SLC35E1: variants seen among roughly 807,000 people sequenced by gnomAD.
The protein encoded by SLC35E1 is solute carrier family 35 member E1, also known as solute carrier family 35, member E1.
A neutral mutation model predicts 31.0 loss-of-function variants in SLC35E1; 12 were observed. The ratio of observed to expected loss-of-function variants is 0.39; its 90% CI spans 0.25 to 0.63. The LOEUF is 0.63. Among genes scored for constraint, SLC35E1 ranks in the 20% least tolerant of loss-of-function variants. SLC35E1 has a pLI of 0.52. For missense variants in SLC35E1, 429 were observed against 572.2 expected (o/e 0.75, Z 2.55); for synonymous variants, 257 against 264.1 (o/e 0.97, Z 0.26).
chr19:16,561,580 CTG>C (rs1213416532), intron 4 of SLC35E1, among the ~76,000 whole-genome samples: 1 of 152,228 alleles, frequency 6.6e-6, no homozygotes, highest in East Asian at 1.9e-4. Flanking sequence ...GAATCCCCGC[CTG>C]TCTTTTGCCA....
intron 2 of SLC35E1, among the ~76,000 whole-genome samples, chr19:16,569,907 C>A (rs184295674): frequency 2.6e-5 from 4 of 152,206 alleles, no homozygotes; most frequent in African/African-American, 4.8e-5. Context: ...AGTGGTCATG[C>A]CACAAGGAGG....
chr19:16,568,288 T>A (rs1390839232), intron 2 of SLC35E1, 119 bp from the exon 3 acceptor site: 7 of 1,310,496 alleles, frequency 5.3e-6, no homozygotes, highest in South Asian at 1.5e-5. Flanking sequence ...CCTAACACTT[T>A]GAAAGTGGTG....
At position 16,555,466 on chromosome 19, in the gene SLC35E1, T is replaced by A. The variant is rs1438105795; in HGVS notation, c.757-69A>T. On this transcript the variant is annotated intron_variant, in intron 4 of 5. Transcript: ENST00000595753. The surrounding 1 kb of genome is among the most constrained non-coding windows in gnomAD (Gnocchi z 4.1). ...GTGACCCTGCCTCCCTGTATCCACCTGGCAGGGTTAGGGGAAGGGATGTGG... is the reference window on the plus strand; with the variant it reads ...GTGACCCTGCCTCCCTGTATCCACCAGGCAGGGTTAGGGGAAGGGATGTGG... The A allele has an allele frequency of 1.3e-6, 2 of 1,575,510 alleles. No homozygotes were observed. The highest frequency in any genetic ancestry group is 1.7e-6 in the Non-Finnish European group (2 of 1,161,480).
At position 16,572,050 on chromosome 19, in the gene SLC35E1, C is replaced by A; in HGVS notation, c.315G>T (p.Pro105=). 6.5e-7 allele frequency: 1 copy of A among 1,539,690 alleles called. No individual in the cohort carries two copies. Among genetic ancestry groups the A allele is most frequent in the Non-Finnish European group, 8.8e-7 (1 of 1,142,800 alleles). The change falls in exon 1 of 6, where the codon CCG becomes CCT. Residue 105 remains proline (P), a synonymous_variant. Transcript: ENST00000595753. The surrounding 1 kb of genome is among the most constrained non-coding windows in gnomAD (Gnocchi z 4.1). Reference sequence around the variant, plus strand: ...GTAGCACGTAGCGCGGGTAGAAGCGCGGCGGCAGCAGCGGGCCGGACGACG... The same window carrying A: ...GTAGCACGTAGCGCGGGTAGAAGCGAGGCGGCAGCAGCGGGCCGGACGACG... ...PHPSSGPLLP[P]RFYPRYVLPL...
Position 16,555,371 on chromosome 19 carries a change from C to T in SLC35E1, c.783G>A (p.Thr261=), listed in dbSNP as rs780543202. 16 of 1,613,782 alleles carry T rather than the reference C, an allele frequency of 9.9e-6. No homozygotes were observed. The highest frequency in any genetic ancestry group is 6.7e-5 in the Admixed American group (4 of 59,996). ...DLTYVYQWPW[T]LLLLAVSGFC... ...AGCCGCTGACAGCCAGGAGCAGGAG[C>T]GTCCAGGGCCACTGGTAGACGTAGG... The change falls in exon 5 of 6, where the codon ACG becomes ACA. Residue 261 remains threonine (T), a synonymous_variant. Coordinates refer to ENST00000595753, the MANE Select transcript of SLC35E1 (RefSeq NM_024881.5). This position sits in a 1 kb window ranked among gnomAD's most constrained non-coding sequence, Gnocchi z 4.1.
At position 16,552,999 on chromosome 19, in the gene SLC35E1, C is replaced by G. The variant is rs2085853397; in HGVS notation, c.*680G>C. 6.6e-6 allele frequency: 1 copy of G among 152,226 alleles called. No individual in the cohort carries two copies. The highest frequency in any genetic ancestry group is 2.4e-5 in the African/African-American group (1 of 41,454). 9.4% of individuals were successfully genotyped at this position (152,226 alleles called of 1,614,324 possible). A position where few individuals can be genotyped will look rare whatever the true frequency, so the allele number is the denominator to read the frequency against. On this transcript the variant is annotated 3_prime_UTR_variant, in exon 6 of 6. Coordinates refer to ENST00000595753, the MANE Select transcript of SLC35E1 (RefSeq NM_024881.5). Reference sequence around the variant, plus strand: ...CATCTGGATCTGGGTGGATGCCAACCCTGACGTGCAGGGCAGAGCACCAGG... The same window carrying G: ...CATCTGGATCTGGGTGGATGCCAACGCTGACGTGCAGGGCAGAGCACCAGG...
chr19:16,555,745 G>GA lies in SLC35E1; in HGVS notation c.757-349dup, dbSNP rs2085872401. The GA allele has an allele frequency of 3.3e-6, 1 of 306,968 alleles. No individual in the cohort carries two copies. The highest frequency in any genetic ancestry group is 6.2e-6 in the Non-Finnish European group (1 of 161,148). 19.0% of individuals were successfully genotyped at this position (306,968 alleles called of 1,614,324 possible). ...TGGCAAAGCAGGGATCTGCTTGTTGGACGCAATGCATTCTACAGGGTTGGA... is the reference window on the plus strand; with the variant it reads ...TGGCAAAGCAGGGATCTGCTTGTTGGAACGCAATGCATTCTACAGGGTTGGA... On this transcript the variant is annotated intron_variant, in intron 4 of 5. Transcript: ENST00000595753. The surrounding 1 kb of genome is among the most constrained non-coding windows in gnomAD (Gnocchi z 4.1).
chr19:16,555,487 T>A lies in SLC35E1; in HGVS notation c.757-90A>T, dbSNP rs2085871407. 7 of 1,526,374 alleles carry A rather than the reference T, an allele frequency of 4.6e-6. No homozygotes were observed. The highest frequency in any genetic ancestry group is 6.2e-6 in the Non-Finnish European group (7 of 1,136,836). 94.6% of individuals were successfully genotyped at this position (1,526,374 alleles called of 1,614,324 possible). On this transcript the variant is annotated intron_variant, in intron 4 of 5. Coordinates refer to ENST00000595753, the MANE Select transcript of SLC35E1 (RefSeq NM_024881.5). This position sits in a 1 kb window ranked among gnomAD's most constrained non-coding sequence, Gnocchi z 4.1. ...CACCTGGCAGGGTTAGGGGAAGGGA[T>A]GTGGAGGGGCTCATCTGGAGCCTCA...
chr19:16,566,328 G>C, intron 4 of SLC35E1: 3 of 631,140 alleles, frequency 4.8e-6, no homozygotes, highest in Non-Finnish European at 7.9e-6. Flanking sequence ...AAGCACACCA[G>C]AGAAGGAAAT....
At position 16,562,610 on chromosome 19, in the gene SLC35E1, T is replaced by C. The variant is rs773545627; in HGVS notation, c.756+3922A>G. On this transcript the variant is annotated intron_variant, in intron 4 of 5. Transcript: ENST00000595753. ...TACTGTATTATTTTAAAATGTCTTATTCTTTATTATAGTATTTTGTTTTTC... is the reference window on the plus strand; with the variant it reads ...TACTGTATTATTTTAAAATGTCTTACTCTTTATTATAGTATTTTGTTTTTC... Among the ~76,000 whole-genome samples the C allele has an allele frequency of 6.0e-5, 6 of 100,522 alleles. 1 individual carries two copies. Among genetic ancestry groups the C allele is most frequent in the Non-Finnish European group, 1.2e-4 (6 of 50,692 alleles). 65.9% of individuals were successfully genotyped at this position (100,522 alleles called of 152,430 possible).
chr19:16,554,628 C>G (rs896730841), intron 5 of SLC35E1, among the ~76,000 whole-genome samples: 2 of 151,990 alleles, frequency 1.3e-5, no homozygotes, highest in African/African-American at 2.4e-5. Context: ...GGAGGCTGGC[C>G]TGGCCAAGAT....
chr19:16,569,028 CTTT>C (rs946440031), intron 2 of SLC35E1, among the ~76,000 whole-genome samples: 2 of 142,578 alleles, frequency 1.4e-5, no homozygotes, highest in Admixed American at 7.0e-5. Flanking sequence ...TCCACTCACT[CTTT>C]TTTTTTTTTT....
Position 16,572,330 on chromosome 19 carries a change from G to A in SLC35E1, c.35C>T (p.Ala12Val), listed in dbSNP as rs1201050401. The change falls in exon 1 of 6, where the codon GCG becomes GTG. Residue 12 changes from alanine to valine, a missense_variant. Coordinates refer to ENST00000595753, the MANE Select transcript of SLC35E1 (RefSeq NM_024881.5). The surrounding 1 kb of genome is among the most constrained non-coding windows in gnomAD (Gnocchi z 4.1). ...AAAAVGAGHG[A>V]GGPGAASSSG... is the part of the protein sequence containing the mutation. ...GCTGCTCGCTGCGCCCGGGCCCCCCGCGCCGTGGCCCGCGCCCACCGCGGC... is the reference window on the plus strand; with the variant it reads ...GCTGCTCGCTGCGCCCGGGCCCCCCACGCCGTGGCCCGCGCCCACCGCGGC... 10 of 1,173,148 alleles carry A rather than the reference G, an allele frequency of 8.5e-6. No homozygotes were observed. Among genetic ancestry groups the A allele is most frequent in the African/African-American group, 3.3e-5 (2 of 61,114 alleles). The allele number at this position is 1,173,148 out of a possible 1,614,324, so 72.7% of individuals were successfully genotyped here.
intron 4 of SLC35E1, among the ~76,000 whole-genome samples, chr19:16,561,270 C>T (rs1368976194): frequency 8.6e-6 from 1 of 116,748 alleles, no homozygotes; most frequent in Non-Finnish European, 1.8e-5. Context: ...GAAAGCCTAA[C>T]AGGGGATTTC....
At chr19:16,561,481 C>T (rs1041024602) in intron 4 of SLC35E1, among the ~76,000 whole-genome samples, 5 of 152,152 alleles carry the variant, frequency 3.3e-5, no homozygotes, top group Non-Finnish European at 7.4e-5. Flanking sequence ...CGCCCATCTG[C>T]CTGCTACCAT....
At chr19:16,558,831 A>G (rs2085889918) in intron 4 of SLC35E1, among the ~76,000 whole-genome samples, 1 of 143,434 alleles carries the variant, frequency 7.0e-6, no homozygotes. Flanking sequence ...GTGCAACAGC[A>G]TGGTCTTGGC....
At chr19:16,563,649 T>C (rs980504778) in intron 4 of SLC35E1, among the ~76,000 whole-genome samples, 1 of 152,020 alleles carries the variant, frequency 6.6e-6, no homozygotes, top group Non-Finnish European at 1.5e-5. Flanking sequence ...ACCAGATAAT[T>C]TTTATATTTT....
chr19:16,560,124 T>C (rs1001243220), intron 4 of SLC35E1, among the ~76,000 whole-genome samples: 1 of 152,062 alleles, frequency 6.6e-6, no homozygotes, highest in Admixed American at 6.6e-5. Flanking sequence ...TCTCCCACAG[T>C]TCTGTTCTTA....
intron 4 of SLC35E1, among the ~76,000 whole-genome samples, chr19:16,558,605 G>C (rs1268155926): frequency 1.3e-5 from 2 of 152,060 alleles, no homozygotes; most frequent in Non-Finnish European, 1.5e-5. Flanking sequence ...CCAAAGTGCT[G>C]GGATTGGATT....
Sources: gnomAD v4.1 joint callset for allele counts (sites outside exome capture counted in the v4.1 genomes callset) on GRCh38, gnomAD v4.1.1 for gene constraint, Gnocchi (gnomAD v3.1) non-coding constraint, MANE v1.5 for transcripts, NCBI Gene and HGNC (gene_info 2026-07-23, HGNC 2026-07-21) for gene names.